The following TSPAN12 variants were observed in gnomAD, a reference collection of about 807,000 sequenced individuals.
TSPAN12 encodes tetraspanin-12.
A neutral mutation model predicts 39.2 loss-of-function variants in TSPAN12; 19 were observed. The ratio of observed to expected loss-of-function variants is 0.49; its 90% CI spans 0.34 to 0.71. TSPAN12 has a LOEUF of 0.71. Ranked by LOEUF, TSPAN12 falls within the 30% of genes least tolerant of loss-of-function variation. The pLI is 0.01. For synonymous variants in TSPAN12, 119 were observed against 124.8 expected (o/e 0.95, Z 0.31); for missense variants, 314 against 359.9 (o/e 0.87, Z 1.03).
intron 2 of TSPAN12, among the ~76,000 whole-genome samples, chr7:120,841,896 T>C (rs928831106): frequency 3.3e-5 from 5 of 152,224 alleles, no homozygotes; most frequent in Non-Finnish European, 7.3e-5. Context: ...TTTTTCATTA[T>C]TAAGAAGAAG....
At chr7:120,845,178 G>A (rs1290350404) in intron 2 of TSPAN12, among the ~76,000 whole-genome samples, 1 of 152,166 alleles carries the variant, frequency 6.6e-6, no homozygotes, top group East Asian at 1.9e-4. Context: ...GTGTCCCAAG[G>A]TTCTGCAGGG....
chr7:120,831,735 T>C (rs1274918915), intron 4 of TSPAN12, among the ~76,000 whole-genome samples: 2 of 152,150 alleles, frequency 1.3e-5, no homozygotes, highest in African/African-American at 4.8e-5. Context: ...TTGCATAGCA[T>C]GGTGACTATA....
At chr7:120,846,345 C>G (rs1562953181) in intron 2 of TSPAN12, among the ~76,000 whole-genome samples, 1 of 152,210 alleles carries the variant, frequency 6.6e-6, no homozygotes, top group Non-Finnish European at 1.5e-5. Flanking sequence ...CTTTATCACT[C>G]TTCAAAGTAA....
chr7:120,791,023 A>G (rs1328070334), intron 7 of TSPAN12, among the ~76,000 whole-genome samples: 1 of 152,146 alleles, frequency 6.6e-6, no homozygotes, highest in Non-Finnish European at 1.5e-5. Context: ...TAATTATAAT[A>G]GATTTCAGAA....
intron 7 of TSPAN12, among the ~76,000 whole-genome samples, chr7:120,798,796 T>C (rs1482753313): frequency 6.6e-6 from 1 of 152,086 alleles, no homozygotes; most frequent in African/African-American, 2.4e-5. Flanking sequence ...TTTGCCCCAT[T>C]ATTTCTTGGC....
chr7:120,808,473 G>A (rs906060712), intron 6 of TSPAN12, among the ~76,000 whole-genome samples: 1 of 152,008 alleles, frequency 6.6e-6, no homozygotes, highest in Non-Finnish European at 1.5e-5. Context: ...TTGTGAGATA[G>A]TACTACTCTT....
chr7:120,850,430 C>T (rs1213657281), intron 2 of TSPAN12, among the ~76,000 whole-genome samples: 1 of 152,140 alleles, frequency 6.6e-6, no homozygotes, highest in African/African-American at 2.4e-5. Context: ...GAGTAAAATG[C>T]CTCATTCTAC....
chr7:120,817,383 T>C (rs990560674), intron 4 of TSPAN12, among the ~76,000 whole-genome samples: 4 of 137,270 alleles, frequency 2.9e-5, no homozygotes, highest in Admixed American at 1.4e-4. Context: ...AGAGAGAACC[T>C]GTCTCAAAAA....
intron 4 of TSPAN12, among the ~76,000 whole-genome samples, chr7:120,826,592 C>A (rs1328580577): frequency 6.6e-6 from 1 of 152,186 alleles, no homozygotes; most frequent in Non-Finnish European, 1.5e-5. Flanking sequence ...ATATCTCAAG[C>A]AACACAGCCA....
rs566031214 is a variant in TSPAN12, at chr7:120,787,670, T to C, written c.*922A>G. 2 of 152,318 alleles carry C rather than the reference T, an allele frequency of 1.3e-5. No individual in the cohort carries two copies. The highest frequency in any genetic ancestry group is 4.8e-5 in the African/African-American group (2 of 41,568). 9.4% of individuals were successfully genotyped at this position (152,318 alleles called of 1,614,324 possible). A position where few individuals can be genotyped will look rare whatever the true frequency, so the allele number is the denominator to read the frequency against. On this transcript the variant is annotated 3_prime_UTR_variant, in exon 8 of 8. Transcript: ENST00000222747. ...AAGTGTTTAGTGTCAAAAAGAGTCT[T>C]CATTTGGGAGAAAAACAGCATACAA...
chr7:120,808,683 C>T (rs985918048), intron 6 of TSPAN12, among the ~76,000 whole-genome samples: 19 of 152,064 alleles, frequency 1.2e-4, no homozygotes, highest in Admixed American at 6.6e-4. Flanking sequence ...ATTAAACAAA[C>T]GTCACTGGGG....
At chr7:120,832,768 A>G (rs1326547617) in intron 4 of TSPAN12, among the ~76,000 whole-genome samples, 1 of 152,158 alleles carries the variant, frequency 6.6e-6, no homozygotes, top group East Asian at 1.9e-4. Context: ...GAGGTGAGGA[A>G]GGTAAAAAGG....
At chr7:120,814,956 G>C (rs1463946651) in intron 5 of TSPAN12, among the ~76,000 whole-genome samples, 1 of 152,198 alleles carries the variant, frequency 6.6e-6, no homozygotes, top group Non-Finnish European at 1.5e-5. Flanking sequence ...CTAGTCATCT[G>C]TTCACTATTG....
chr7:120,806,822 A>G, intron 6 of TSPAN12, 130 bp from the exon 7 acceptor site: 1 of 1,121,284 alleles, frequency 8.9e-7, no homozygotes, highest in Non-Finnish European at 1.3e-6. Flanking sequence ...TGATATATGT[A>G]CAGTCTATGT....
chr7:120,852,209 A>G (rs1381895766), intron 2 of TSPAN12, among the ~76,000 whole-genome samples: 2 of 151,914 alleles, frequency 1.3e-5, no homozygotes, highest in Non-Finnish European at 1.5e-5. Flanking sequence ...CTAAAATCCT[A>G]GTGGGGTAGA....
chr7:120,799,889 T>C (rs892902290), intron 7 of TSPAN12, among the ~76,000 whole-genome samples: 28 of 142,360 alleles, frequency 2.0e-4, no homozygotes, highest in African/African-American at 6.9e-4. Flanking sequence ...AATTAAATAT[T>C]AATAAATATT....
intron 4 of TSPAN12, among the ~76,000 whole-genome samples, chr7:120,827,063 A>G (rs1444264970): frequency 1.3e-5 from 2 of 152,168 alleles, no homozygotes; most frequent in African/African-American, 2.4e-5. Flanking sequence ...ATAAGACAAC[A>G]AGTTAGGAAA....
intron 6 of TSPAN12, 99 bp from the exon 7 acceptor site, chr7:120,806,791 G>GCT: frequency 6.9e-7 from 1 of 1,442,274 alleles, no homozygotes; most frequent in African/African-American, 1.4e-5. Context: ...TGTACCCAGA[G>GCT]CTATATCTGT....
In TSPAN12 at chr7:120,815,771, T is replaced by C. The variant is rs1174155866; in HGVS notation, c.318A>G (p.Val106=). Residue 106 remains valine (V), a synonymous_variant, in exon 5 of 8, where the codon GTA becomes GTG. Coordinates refer to ENST00000222747, the MANE Select transcript of TSPAN12 (RefSeq NM_012338.4). ...YFGSLLVIFC[V]ELACGVWTYE... Reference sequence around the variant, plus strand: ...ATGTCCAAACGCCACAAGCCAGTTCTACACAGAAAATGACAAGCAAACTTC... The same window carrying C: ...ATGTCCAAACGCCACAAGCCAGTTCCACACAGAAAATGACAAGCAAACTTC... 6.2e-7 allele frequency: 1 copy of C among 1,613,044 alleles called. No homozygotes were observed. The highest frequency in any genetic ancestry group is 1.3e-5 in the African/African-American group (1 of 74,906).
Sources: gnomAD v4.1 joint callset for allele counts (sites outside exome capture counted in the v4.1 genomes callset) on GRCh38, gnomAD v4.1.1 for gene constraint, MANE v1.5 for transcripts, NCBI Gene and HGNC (gene_info 2026-07-23, HGNC 2026-07-21) for gene names.